VEZT: variants seen among roughly 807,000 people sequenced by gnomAD.
The protein encoded by VEZT is vezatin.
Under a neutral mutation model 79.9 loss-of-function variants are expected in VEZT, and 39 were observed. The ratio of observed to expected loss-of-function variants is 0.49; its 90% CI spans 0.38 to 0.64. The LOEUF (loss-of-function observed/expected upper bound fraction) is 0.64. Ranked by LOEUF, VEZT falls within the 30% of genes least tolerant of loss-of-function variation. The pLI is 0.00. For synonymous variants in VEZT, 325 were observed against 327.6 expected (o/e 0.99, Z 0.09); for missense variants, 837 against 893.1 (o/e 0.94, Z 0.80).
chr12:95,259,674 G>A (rs530078783), intron 3 of VEZT, among the ~76,000 whole-genome samples: 16 of 152,314 alleles, frequency 1.1e-4, no homozygotes, highest in African/African-American at 3.6e-4. Flanking sequence ...AGCCATGCAG[G>A]TGATACCTGC....
At chr12:95,251,124 C>T (rs2062536735) in intron 1 of VEZT, among the ~76,000 whole-genome samples, 1 of 152,142 alleles carries the variant, frequency 6.6e-6, no homozygotes, top group Non-Finnish European at 1.5e-5. Flanking sequence ...GATTCTCCTG[C>T]CTCAGCCTCC....
chr12:95,281,526 A>G (rs1034915046), intron 7 of VEZT, among the ~76,000 whole-genome samples: 1 of 149,650 alleles, frequency 6.7e-6, no homozygotes, highest in African/African-American at 2.5e-5. Context: ...GCAATTTCTC[A>G]TGTCAGACAT....
rs1356410532 is a variant in VEZT, at chr12:95,302,343, A to G, written c.*1670A>G. On this transcript the variant is annotated 3_prime_UTR_variant, in exon 12 of 12. Transcript: ENST00000436874. Reference sequence around the variant, plus strand: ...GGGAAAATCTTCATAAAATTGTATCAGTTTTATTCAGTGTTCTCTAAGGTG... The same window carrying G: ...GGGAAAATCTTCATAAAATTGTATCGGTTTTATTCAGTGTTCTCTAAGGTG... 1 of 152,106 alleles carries G rather than the reference A, an allele frequency of 6.6e-6. No homozygotes were observed. The highest frequency in any genetic ancestry group is 1.9e-4 in the East Asian group (1 of 5,192). The allele number at this position is 152,106 out of a possible 1,614,324, so 9.4% of individuals were successfully genotyped here. A position where few individuals can be genotyped will look rare whatever the true frequency, so the allele number is the denominator to read the frequency against.
At chr12:95,228,173 C>T (rs1268283680) in intron 1 of VEZT, among the ~76,000 whole-genome samples, 4 of 152,160 alleles carry the variant, frequency 2.6e-5, no homozygotes, top group African/African-American at 9.7e-5. Context: ...AGCTTTCGCC[C>T]TTTTCTCCCA....
At chr12:95,225,866 G>T (rs1760117441) in intron 1 of VEZT, among the ~76,000 whole-genome samples, 1 of 151,474 alleles carries the variant, frequency 6.6e-6, no homozygotes, top group Non-Finnish European at 1.5e-5. Context: ...GCAGTGGGGG[G>T]ATCACTTGAG....
At chr12:95,294,085 T>G (rs1171702867) in intron 9 of VEZT, 187 bp from the exon 10 acceptor site, 1 of 495,344 alleles carries the variant, frequency 2.0e-6, no homozygotes, top group Non-Finnish European at 3.7e-6. Flanking sequence ...AGCGACAGAG[T>G]CTTTGTTTCC....
At chr12:95,255,430 A>G (rs915804356) in intron 2 of VEZT, among the ~76,000 whole-genome samples, 2 of 151,956 alleles carry the variant, frequency 1.3e-5, no homozygotes, top group Non-Finnish European at 2.9e-5. Context: ...CTGAGTGATT[A>G]ATTTTCTTTT....
At chr12:95,248,301 A>G (rs1251062399) in intron 1 of VEZT, among the ~76,000 whole-genome samples, 1 of 152,240 alleles carries the variant, frequency 6.6e-6, no homozygotes, top group Non-Finnish European at 1.5e-5. Context: ...ACTGTTGGAT[A>G]TGATCTGTGA....
chr12:95,271,672 G>T (rs182458984), intron 6 of VEZT, among the ~76,000 whole-genome samples: 9 of 152,358 alleles, frequency 5.9e-5, no homozygotes, highest in Admixed American at 5.2e-4. Flanking sequence ...CTAATCACTA[G>T]ACGTACAGTG....
rs149284940 is a variant in VEZT at position 95,265,224 on chromosome 12, C to G, written c.435-1133C>G. On this transcript the variant is annotated intron_variant, in intron 4 of 11. Coordinates refer to ENST00000436874, the MANE Select transcript of VEZT (RefSeq NM_017599.4). ...CATTGCTTTAAAGATGTATTTTAGT[C>G]TGTTAGACTTGCAATTGATATGAAT... 2.7e-4 allele frequency among the ~76,000 whole-genome samples: 41 copies of G among 152,084 alleles called. 2 individuals are homozygous for G. The highest frequency in any genetic ancestry group is 9.6e-4 in the African/African-American group (40 of 41,474).
At chr12:95,230,522 A>G (rs1339881122) in intron 1 of VEZT, among the ~76,000 whole-genome samples, 4 of 148,520 alleles carry the variant, frequency 2.7e-5, no homozygotes, top group African/African-American at 2.5e-5. Context: ...GGCTCCAGCT[A>G]TCCTCTCCTC....
intron 3 of VEZT, among the ~76,000 whole-genome samples, chr12:95,259,191 G>T (rs377742408): frequency 4.7e-5 from 7 of 147,684 alleles, no homozygotes; most frequent in African/African-American, 7.5e-5. Flanking sequence ...AATACTTTCT[G>T]TTTTTTTTTT....
At chr12:95,240,129 T>C (rs529304220) in intron 1 of VEZT, among the ~76,000 whole-genome samples, 33 of 152,204 alleles carry the variant, frequency 2.2e-4, no homozygotes, top group African/African-American at 6.0e-4. Flanking sequence ...AGTTGGAAGA[T>C]AGACAATCAT....
chr12:95,228,143 C>A (rs911857958), intron 1 of VEZT, among the ~76,000 whole-genome samples: 2 of 152,054 alleles, frequency 1.3e-5, no homozygotes, highest in African/African-American at 4.8e-5. Flanking sequence ...AAATGTTAAC[C>A]CTTTGTTGGC....
intron 1 of VEZT, among the ~76,000 whole-genome samples, chr12:95,237,857 C>T (rs2060405505): frequency 6.6e-6 from 1 of 152,102 alleles, no homozygotes; most frequent in African/African-American, 2.4e-5. Context: ...GTCATGGAGC[C>T]TGTAGATCAT....
At chr12:95,272,100 G>T (rs1483958858) in intron 6 of VEZT, among the ~76,000 whole-genome samples, 1 of 152,110 alleles carries the variant, frequency 6.6e-6, no homozygotes, top group Non-Finnish European at 1.5e-5. Flanking sequence ...AGCCCAAAAG[G>T]TCAAGGCGCA....
intron 1 of VEZT, among the ~76,000 whole-genome samples, chr12:95,246,370 G>A (rs986145433): frequency 1.1e-4 from 17 of 152,062 alleles, no homozygotes; most frequent in Non-Finnish European, 2.1e-4. Context: ...TGATCCACCC[G>A]CCTTGGCCTC....
chr12:95,277,277 G>GAA (rs1389624771), intron 7 of VEZT, among the ~76,000 whole-genome samples: 2 of 152,128 alleles, frequency 1.3e-5, no homozygotes, highest in Non-Finnish European at 1.5e-5. Context: ...GTGCACAATG[G>GAA]AACACTGCCT....
intron 1 of VEZT, among the ~76,000 whole-genome samples, chr12:95,221,744 C>T (rs181710021): frequency 4.4e-4 from 67 of 151,884 alleles, no homozygotes; most frequent in Non-Finnish European, 8.2e-4. Flanking sequence ...AGCTACTCCA[C>T]AGCCTGAGGC....
Sources: allele counts gnomAD v4.1 joint callset (sites outside exome capture counted in the v4.1 genomes callset), GRCh38; gene constraint gnomAD v4.1.1; transcripts MANE v1.5; gene names NCBI Gene and HGNC (gene_info 2026-07-23, HGNC 2026-07-21).